ANAPC10: variants seen among roughly 807,000 people sequenced by gnomAD.
ANAPC10 encodes anaphase-promoting complex subunit 10.
ANAPC10 carries 12 observed loss-of-function variants against 22.0 expected under a neutral mutation model. The ratio of observed to expected loss-of-function variants is 0.55; its 90% CI spans 0.35 to 0.88. The LOEUF is 0.88. Ranked by LOEUF, ANAPC10 falls within the 40% of genes least tolerant of loss-of-function variation. The pLI, the probability that ANAPC10 is intolerant of heterozygous loss-of-function variation, is 0.01. For synonymous variants in ANAPC10, 65 were observed against 69.5 expected (o/e 0.94, Z 0.32); for missense variants, 188 against 220.9 (o/e 0.85, Z 0.94).
intron 4 of ANAPC10, among the ~76,000 whole-genome samples, chr4:145,026,957 G>GTGTGTGTGTATATA (rs1343774253): frequency 1.1e-4 from 2 of 18,346 alleles, no homozygotes; most frequent in Non-Finnish European, 1.7e-4. Flanking sequence ...GTGTGTGTGT[G>GTGTGTGTGTATATA]TATATATATA....
intron 4 of ANAPC10, among the ~76,000 whole-genome samples, chr4:145,014,801 T>C (rs1425592602): frequency 2.0e-5 from 3 of 152,166 alleles, no homozygotes; most frequent in Admixed American, 1.3e-4. Flanking sequence ...CGGAGGCTGG[T>C]AGACTTGCTG....
intron 2 of ANAPC10, among the ~76,000 whole-genome samples, chr4:145,087,664 G>C (rs1281529738): frequency 6.6e-6 from 1 of 152,188 alleles, no homozygotes; most frequent in Admixed American, 6.5e-5. Context: ...GTAGCTAGTA[G>C]TTACCTCACT....
At chr4:145,021,084 G>A (rs1735903894) in intron 4 of ANAPC10, among the ~76,000 whole-genome samples, 1 of 151,614 alleles carries the variant, frequency 6.6e-6, no homozygotes, top group Non-Finnish European at 1.5e-5. Context: ...TCAAAATTGT[G>A]AAAATGACCA....
At chr4:145,031,604 C>T (rs1185215962) in intron 4 of ANAPC10, among the ~76,000 whole-genome samples, 1 of 152,186 alleles carries the variant, frequency 6.6e-6, no homozygotes, top group East Asian at 1.9e-4. Flanking sequence ...CAGGAGAAGG[C>T]TCTGCAACAG....
chr4:145,002,828 CATA>C (rs1165631895), intron 4 of ANAPC10, among the ~76,000 whole-genome samples: 3 of 152,152 alleles, frequency 2.0e-5, no homozygotes, highest in Admixed American at 2.0e-4. Context: ...AAATTATATA[CATA>C]ATATTATTTT....
chr4:145,048,246 GTGATCAAGA>G (rs1463427341), intron 4 of ANAPC10, among the ~76,000 whole-genome samples: 1 of 152,146 alleles, frequency 6.6e-6, no homozygotes, highest in Non-Finnish European at 1.5e-5. Context: ...AGCTACATGA[GTGATCAAGA>G]TGATCAAGAC....
chr4:145,047,361 A>T (rs1740456875), intron 4 of ANAPC10, among the ~76,000 whole-genome samples: 1 of 152,128 alleles, frequency 6.6e-6, no homozygotes, highest in Non-Finnish European at 1.5e-5. Context: ...CTGTAAGCCA[A>T]GGTTAGAGAA....
intron 4 of ANAPC10, among the ~76,000 whole-genome samples, chr4:145,038,777 G>A (rs1198760211): frequency 3.5e-5 from 5 of 143,478 alleles, no homozygotes; most frequent in Non-Finnish European, 7.5e-5. Context: ...AGCCAAGATC[G>A]CACCACTGCA....
chr4:145,044,326 G>A (rs192287533), intron 4 of ANAPC10, among the ~76,000 whole-genome samples: 1 of 151,858 alleles, frequency 6.6e-6, no homozygotes, highest in Admixed American at 6.6e-5. Flanking sequence ...ACAGAACAAG[G>A]GTAAAAAAAT....
At chr4:145,007,801 G>A (rs1733636695) in intron 4 of ANAPC10, among the ~76,000 whole-genome samples, 1 of 151,422 alleles carries the variant, frequency 6.6e-6, no homozygotes, top group Admixed American at 6.6e-5. Flanking sequence ...TCAGAAGCTA[G>A]CAGAAGGCAA....
chr4:145,074,163 A>C (rs1744874039), intron 3 of ANAPC10, among the ~76,000 whole-genome samples: 1 of 151,442 alleles, frequency 6.6e-6, no homozygotes, highest in Non-Finnish European at 1.5e-5. Context: ...TATTATATAA[A>C]ATAGAGAAGC....
intron 4 of ANAPC10, among the ~76,000 whole-genome samples, chr4:145,052,685 T>C (rs1490927773): frequency 6.6e-6 from 1 of 151,982 alleles, no homozygotes; most frequent in Non-Finnish European, 1.5e-5. Flanking sequence ...ACAGATCACA[T>C]GGTCCGGAGA....
intron 4 of ANAPC10, among the ~76,000 whole-genome samples, chr4:145,016,017 T>C (rs1249976463): frequency 6.6e-6 from 1 of 152,188 alleles, no homozygotes; most frequent in Non-Finnish European, 1.5e-5. Flanking sequence ...AATATCATAC[T>C]GAATGGGCAA....
intron 4 of ANAPC10, among the ~76,000 whole-genome samples, chr4:145,012,176 G>GTATA (rs111592959): frequency 0.02 from 2,762 of 140,558 alleles, 59 homozygotes; most frequent in East Asian, 0.053. Flanking sequence ...GTGTGTGTGT[G>GTATA]TATATATATA....
chr4:145,095,836 G>A (rs1560946445), intron 2 of ANAPC10, 149 bp downstream of exon 2: 7 of 925,608 alleles, frequency 7.6e-6, no homozygotes, highest in Non-Finnish European at 1.2e-5. Flanking sequence ...AAAAAACATA[G>A]TATTAATATA....
At chr4:144,999,626 C>T (rs1396328169) in intron 4 of ANAPC10, among the ~76,000 whole-genome samples, 1 of 152,140 alleles carries the variant, frequency 6.6e-6, no homozygotes, top group Non-Finnish European at 1.5e-5. Context: ...GGCCACAGTG[C>T]CCAAGGTAAT....
intron 4 of ANAPC10, among the ~76,000 whole-genome samples, chr4:145,024,602 A>G (rs1276102673): frequency 1.3e-5 from 2 of 152,262 alleles, no homozygotes; most frequent in African/African-American, 4.8e-5. Flanking sequence ...TTTTCCTCTG[A>G]GCAGTAGGTC....
intron 4 of ANAPC10, among the ~76,000 whole-genome samples, chr4:145,050,089 G>T (rs1178162509): frequency 2.0e-5 from 3 of 152,106 alleles, no homozygotes; most frequent in African/African-American, 7.2e-5. Context: ...GCTTTGCCTA[G>T]ATCCATCAGA....
chr4:145,010,936 C>CAG, intron 4 of ANAPC10, among the ~76,000 whole-genome samples: 1 of 152,044 alleles, frequency 6.6e-6, no homozygotes, highest in African/African-American at 2.4e-5. Context: ...CTGAAGGCAC[C>CAG]AGCAAGGGAC....
Sources: gnomAD v4.1 joint callset for allele counts (sites outside exome capture counted in the v4.1 genomes callset) on GRCh38, gnomAD v4.1.1 for gene constraint, MANE v1.5 for transcripts, NCBI Gene and HGNC (gene_info 2026-07-23, HGNC 2026-07-21) for gene names.